The following HECW1 variants were observed in gnomAD, a reference collection of about 807,000 sequenced individuals.
HECW1 encodes the protein E3 ubiquitin-protein ligase HECW1.
In HECW1, 61 loss-of-function variants were observed where a neutral mutation model predicts 182.3. The ratio of observed to expected loss-of-function variants is 0.33; its 90% CI spans 0.27 to 0.41. The LOEUF (loss-of-function observed/expected upper bound fraction) is 0.41. HECW1 is among the 10% of genes least tolerant of loss of function. The pLI is 1.00. For missense variants in HECW1, 1,739 were observed against 2,108.9 expected, an observed-to-expected ratio of 0.82 and a Z score of 3.44; for synonymous variants, 859 against 832.6, an observed-to-expected ratio of 1.03 and a Z score of -0.55.
At position 43,140,933 on chromosome 7, in the gene HECW1, G is replaced by T. The variant is rs1429622096; in HGVS notation, c.-32+26542G>T. On this transcript the variant is annotated intron_variant, in intron 2 of 29. Transcript: ENST00000395891. ...AGAGAGAGAGACAGAGCTCCCAGGG[G>T]TCCCTTCTTCCTAGGACATTGGTCC... Among the ~76,000 whole-genome samples the T allele has an allele frequency of 2.0e-5, 3 of 152,156 alleles. No individual in the cohort carries two copies. In the East Asian group the frequency reaches 5.8e-4, roughly 29 times the overall value.
intron 17 of HECW1, chr7:43,484,626 T>C (rs770513225): frequency 6.6e-6 from 1 of 152,222 alleles, no homozygotes; most frequent in Non-Finnish European, 1.5e-5. Flanking sequence ...GGATCCTAAA[T>C]GGTAAAATGT....
At chr7:43,362,273 T>C (rs1442576165) in intron 6 of HECW1, among the ~76,000 whole-genome samples, 3 of 152,148 alleles carry the variant, frequency 2.0e-5, no homozygotes, top group African/African-American at 7.2e-5. Context: ...GATGAGCTAA[T>C]TGAGGCCTTG....
At chr7:43,386,004 G>C (rs927629257) in intron 6 of HECW1, among the ~76,000 whole-genome samples, 1 of 152,200 alleles carries the variant, frequency 6.6e-6, no homozygotes, top group Non-Finnish European at 1.5e-5. Context: ...GCAGAATTCA[G>C]TTCCTTGTGG....
intron 6 of HECW1, among the ~76,000 whole-genome samples, chr7:43,393,410 C>T (rs938073915): frequency 2.6e-5 from 4 of 152,182 alleles, no homozygotes; most frequent in Admixed American, 6.5e-5. Context: ...TATTTCTCAA[C>T]GTCAAACATG....
At chr7:43,136,537 G>A (rs185340003) in intron 2 of HECW1, among the ~76,000 whole-genome samples, 57 of 152,234 alleles carry the variant, frequency 3.7e-4, no homozygotes, top group Middle Eastern at 3.4e-3. Context: ...GGCAAAAACG[G>A]GTCACTTCTG....
chr7:43,194,596 T>G (rs1432253028), intron 2 of HECW1: 1 of 152,176 alleles, frequency 6.6e-6, no homozygotes, highest in Non-Finnish European at 1.5e-5. Context: ...TCTTGGCTAG[T>G]CCCTGCCCTG....
At chr7:43,260,927 A>C (rs1050690432) in intron 3 of HECW1, among the ~76,000 whole-genome samples, 1 of 152,234 alleles carries the variant, frequency 6.6e-6, no homozygotes, top group Non-Finnish European at 1.5e-5. Context: ...TATTCTAAGA[A>C]AGTTTGCAAA....
At chr7:43,353,369 C>T (rs1486428714) in intron 5 of HECW1, among the ~76,000 whole-genome samples, 2 of 152,206 alleles carry the variant, frequency 1.3e-5, no homozygotes, top group Admixed American at 6.5e-5. Flanking sequence ...TTAAAATACT[C>T]GTTTAAGAAA....
intron 2 of HECW1, among the ~76,000 whole-genome samples, chr7:43,198,129 TCA>T (rs1794645127): frequency 7.0e-6 from 1 of 142,516 alleles, no homozygotes; most frequent in South Asian, 2.3e-4. Flanking sequence ...CCCACTATAG[TCA>T]CACACCCCAC....
intron 5 of HECW1, among the ~76,000 whole-genome samples, chr7:43,344,411 T>C (rs1359770095): frequency 1.3e-5 from 2 of 148,928 alleles, no homozygotes; most frequent in African/African-American, 5.2e-5. Context: ...TCCCTTGTCT[T>C]CCATTGTTTC....
At position 43,508,637 on chromosome 7, in the gene HECW1, TTA is replaced by T. The variant is rs558968169; in HGVS notation, c.3867-330_3867-329del. ...ACATTCACTGTTGCAGGAAATTCTT[TTA>T]TGTGTCCCACAACAAAGGCCTTGTA... On this transcript the variant is annotated intron_variant, in intron 23 of 29. Transcript: ENST00000395891. The T allele has an allele frequency of 1.0e-4, 33 of 319,564 alleles. No homozygotes were observed. The East Asian group carries it at 2.0e-3, about 19-fold the overall frequency. The allele number at this position is 319,564 out of a possible 1,614,324, so 19.8% of individuals were successfully genotyped here.
chr7:43,176,489 G>A (rs1291856811), intron 2 of HECW1, among the ~76,000 whole-genome samples: 1 of 152,162 alleles, frequency 6.6e-6, no homozygotes, highest in East Asian at 1.9e-4. Flanking sequence ...AAGTTGAGGG[G>A]CTTCATCTAA....
At chr7:43,420,761 C>T (rs866087962) in intron 8 of HECW1, among the ~76,000 whole-genome samples, 17 of 152,292 alleles carry the variant, frequency 1.1e-4, no homozygotes, top group Middle Eastern at 3.4e-3. Context: ...AATATGGTTA[C>T]ACCGTGCACT....
At chr7:43,455,862 C>T (rs979915306) in intron 12 of HECW1, among the ~76,000 whole-genome samples, 1 of 152,028 alleles carries the variant, frequency 6.6e-6, no homozygotes, top group African/African-American at 2.4e-5. Flanking sequence ...TTAGCCGGAC[C>T]TGGTGGCAGG....
chr7:43,221,556 TTTTTTTTTTTTTTTTTTTTTTTTG>T (rs1796961695), intron 2 of HECW1, among the ~76,000 whole-genome samples: 1 of 96,866 alleles, frequency 1.0e-5, no homozygotes, highest in Non-Finnish European at 2.2e-5. Flanking sequence ...TTTTTTTTTT[TTTTTTTTTTTTTTTTTTTTTTTTG>T]GGACAGCCTG....
intron 2 of HECW1, among the ~76,000 whole-genome samples, chr7:43,186,974 A>G (rs1301676365): frequency 6.6e-6 from 1 of 152,182 alleles, no homozygotes; most frequent in African/African-American, 2.4e-5. Flanking sequence ...TGTATTGATG[A>G]TTTTCTCACA....
intron 11 of HECW1, among the ~76,000 whole-genome samples, chr7:43,446,465 G>GA (rs763478912): frequency 6.6e-6 from 1 of 152,178 alleles, no homozygotes; most frequent in Non-Finnish European, 1.5e-5. Context: ...TTTTAAAAGA[G>GA]AAAAACATAG....
intron 2 of HECW1, among the ~76,000 whole-genome samples, chr7:43,167,465 A>G (rs1475802723): frequency 1.3e-5 from 2 of 152,206 alleles, no homozygotes; most frequent in African/African-American, 4.8e-5. Context: ...TATGAATTTA[A>G]GGGATCCACT....
intron 3 of HECW1, among the ~76,000 whole-genome samples, chr7:43,265,548 T>G (rs1209824970): frequency 6.6e-6 from 1 of 152,216 alleles, no homozygotes; most frequent in Non-Finnish European, 1.5e-5. Context: ...TTCATAAGGT[T>G]CATGCTAATA....
Sources: allele counts gnomAD v4.1 joint callset (sites outside exome capture counted in the v4.1 genomes callset), GRCh38; gene constraint gnomAD v4.1.1; transcripts MANE v1.5; gene names NCBI Gene and HGNC (gene_info 2026-07-23, HGNC 2026-07-21).